Variants in SDAD1 observed in about 807,000 individuals in gnomAD.
SDAD1 encodes the protein protein SDA1 homolog.
In SDAD1, 79 loss-of-function variants were observed where a neutral mutation model predicts 100.3. The ratio of observed to expected loss-of-function variants is 0.79; its 90% CI spans 0.66 to 0.95. The LOEUF (loss-of-function observed/expected upper bound fraction) is 0.95, where lower values mean the gene tolerates loss of function less well. Among genes scored for constraint, SDAD1 ranks in the 40% least tolerant of loss-of-function variants. The probability of loss-of-function intolerance (pLI) is 0.00; values close to 1 mark genes in which losing one functional copy is unlikely to be tolerated. For missense variants in SDAD1, 790 were observed against 810.9 expected, an observed-to-expected ratio of 0.97 and a Z score of 0.31; for synonymous variants, 267 against 271.4, an observed-to-expected ratio of 0.98 and a Z score of 0.16.
intron 7 of SDAD1, 137 bp downstream of exon 7, chr4:75,973,939 T>C: frequency 4.6e-6 from 3 of 652,668 alleles, no homozygotes; most frequent in East Asian, 2.8e-5. Flanking sequence ...ATGCAGTTTA[T>C]GCTGAGTGAT....
rs1729201599 is a variant in SDAD1, at chr4:75,961,063, T to C, written c.1321A>G (p.Thr441Ala). 1.9e-6 allele frequency: 3 copies of C among 1,613,984 alleles called. No individual in the cohort carries two copies. The highest frequency in any genetic ancestry group is 1.1e-5 in the South Asian group (1 of 91,076). ...TTCTGCAGCATCTGAGGATTCAGTGTTCGGAAGAGGTGAATCAAAGTTCTA... is the reference window on the plus strand; with the variant it reads ...TTCTGCAGCATCTGAGGATTCAGTGCTCGGAAGAGGTGAATCAAAGTTCTA... ...SARTLIHLFR[T>A]LNPQMLQKKF... The change falls in exon 16 of 22, where the codon ACA becomes GCA. Residue 441 changes from threonine to alanine, a missense_variant. Physicochemically the swap from Thr to Ala is moderately conservative, Grantham distance 58. Transcript: ENST00000356260.
intron 20 of SDAD1, 67 bp from the exon 21 acceptor site, chr4:75,956,203 T>C: frequency 6.7e-7 from 1 of 1,486,762 alleles, no homozygotes; most frequent in Non-Finnish European, 9.1e-7. Flanking sequence ...TAATCAACAT[T>C]AATGTCTCCT....
At chr4:75,974,628 G>C (rs1730054489) in intron 6 of SDAD1, among the ~76,000 whole-genome samples, 1 of 152,138 alleles carries the variant, frequency 6.6e-6, no homozygotes, top group South Asian at 2.1e-4. Context: ...AGAACTGCTT[G>C]AACCCAGGAG....
At chr4:75,968,680 G>A (rs1286701285) in intron 11 of SDAD1, among the ~76,000 whole-genome samples, 1 of 152,134 alleles carries the variant, frequency 6.6e-6, no homozygotes, top group Non-Finnish European at 1.5e-5. Flanking sequence ...TAAAATATGT[G>A]CATTATATTG....
At chr4:75,976,107 A>T (rs1730146889) in intron 4 of SDAD1, 112 bp from the exon 5 acceptor site, 1 of 662,230 alleles carries the variant, frequency 1.5e-6, no homozygotes, top group Admixed American at 3.2e-5. Flanking sequence ...CCTATTTTTC[A>T]TTCTATCCCA....
intron 11 of SDAD1, 147 bp from the exon 12 acceptor site, chr4:75,967,481 A>AAT (rs1429321576): frequency 9.0e-6 from 6 of 670,256 alleles, no homozygotes; most frequent in Non-Finnish European, 1.6e-5. Flanking sequence ...AGGATGATTC[A>AAT]ATATGCTATA....
intron 17 of SDAD1, among the ~76,000 whole-genome samples, chr4:75,958,159 ACAAT>A (rs1398326627): frequency 1.4e-4 from 22 of 152,368 alleles, no homozygotes; most frequent in African/African-American, 5.0e-4. Flanking sequence ...TCAAAACCTT[ACAAT>A]CACTCTCTCT....
rs1188125589 is a variant in SDAD1, at chr4:75,950,073, G to C, written c.*677C>G. 1 of 137,552 alleles carries C rather than the reference G, an allele frequency of 7.3e-6. No individual in the cohort carries two copies. Among genetic ancestry groups the C allele is most frequent in the Non-Finnish European group, 1.5e-5 (1 of 64,958 alleles). The allele number at this position is 137,552 out of a possible 1,614,324, so 8.5% of individuals were successfully genotyped here. ...TTATACTTAAGGCAGTTTTAAAAGT[G>C]AGGTCTTAACCAAAAAGCCTTTACA... is the stretch of plus-strand genomic sequence containing the variant. On this transcript the variant is annotated 3_prime_UTR_variant, in exon 22 of 22. Transcript: ENST00000356260.
rs749385725 is a variant in SDAD1 at position 75,961,084 on chromosome 4, T to G, written c.1300A>C (p.Thr434Pro). The change falls in exon 16 of 22, where the codon ACT (threonine) becomes CCT (proline). Residue 434 changes from threonine to proline, a missense_variant. Transcript: ENST00000356260. ...AGTGTTCGGAAGAGGTGAATCAAAGTTCTAGCAGACATCATTACATCTGTA... is the reference window on the plus strand; with the variant it reads ...AGTGTTCGGAAGAGGTGAATCAAAGGTCTAGCAGACATCATTACATCTGTA... ...KDKNVMMSAR[T>P]LIHLFRTLNP... The G allele has an allele frequency of 3.7e-6, 6 of 1,614,132 alleles. No homozygotes were observed. In the East Asian group the frequency reaches 1.3e-4, roughly 36 times the overall value.
rs990543718 is a variant in SDAD1, at chr4:75,969,410, G to A, written c.884-11C>T. 1 of 1,582,392 alleles carries A rather than the reference G, an allele frequency of 6.3e-7. No individual in the cohort carries two copies. Among genetic ancestry groups the A allele is most frequent in the Non-Finnish European group, 8.7e-7 (1 of 1,152,038 alleles). ...GTTTTTCCGCAAAATCTGGCAAGGAGAGGATGAAAGAAGTACATTGTGAGT... is the reference window on the plus strand; with the variant it reads ...GTTTTTCCGCAAAATCTGGCAAGGAAAGGATGAAAGAAGTACATTGTGAGT... On this transcript the variant is annotated splice_polypyrimidine_tract_variant and intron_variant, in intron 10 of 21. Coordinates refer to ENST00000356260, the MANE Select transcript of SDAD1 (RefSeq NM_018115.4).
intron 1 of SDAD1, among the ~76,000 whole-genome samples, chr4:75,982,756 A>C (rs1370423794): frequency 1.3e-5 from 2 of 152,178 alleles, no homozygotes; most frequent in Non-Finnish European, 2.9e-5. Context: ...TCTCAAGTAC[A>C]TGAAGCTCTC....
Position 75,957,306 on chromosome 4 carries a change from G to A in SDAD1, c.1854+19C>T. ...ATTTGCTTTCTGTTTAAAAAACTAG[G>A]AATGATATGCTCACTCACCATTGCA... On this transcript the variant is annotated intron_variant, in intron 20 of 21. Coordinates refer to ENST00000356260, the MANE Select transcript of SDAD1 (RefSeq NM_018115.4). The A allele has an allele frequency of 6.3e-7, 1 of 1,593,804 alleles. No homozygotes were observed. The highest frequency in any genetic ancestry group is 8.6e-7 in the Non-Finnish European group (1 of 1,167,464).
intron 12 of SDAD1, among the ~76,000 whole-genome samples, chr4:75,966,667 T>C (rs951811124): frequency 2.0e-5 from 3 of 152,244 alleles, no homozygotes; most frequent in African/African-American, 7.2e-5. Flanking sequence ...ATATCTATTA[T>C]GAAGATGCAA....
chr4:75,956,004 T>C lies in SDAD1; in HGVS notation c.1987A>G (p.Lys663Glu). ...TTTTCTCGGAAGGAACGCTTATTTTTTGACCGGACATTCTGGCTATACCGC... is the reference window on the plus strand; with the variant it reads ...TTTTCTCGGAAGGAACGCTTATTTTCTGACCGGACATTCTGGCTATACCGC... ...MMRYSQNVRS[K>E]NKRSFREKQL... Residue 663 changes from lysine to glutamate, a missense_variant, in exon 21 of 22, where the codon AAA (lysine) becomes GAA (glutamate). Physicochemically the swap from Lys to Glu is moderately conservative, Grantham distance 56. Coordinates refer to ENST00000356260, the MANE Select transcript of SDAD1 (RefSeq NM_018115.4). 1.9e-6 allele frequency: 3 copies of C among 1,600,400 alleles called. No homozygotes were observed. Among genetic ancestry groups the C allele is most frequent in the South Asian group, 2.3e-5 (2 of 87,506 alleles).
chr4:75,957,261 T>G, intron 20 of SDAD1, 64 bp downstream of exon 20: 1 of 1,391,200 alleles, frequency 7.2e-7, no homozygotes, highest in Admixed American at 1.9e-5. Context: ...CTATACAAGT[T>G]CTGGCTTATG....
At chr4:75,960,942 A>G (rs1242811682) in intron 16 of SDAD1, 86 bp downstream of exon 16, 36 of 1,056,638 alleles carry the variant, frequency 3.4e-5, no homozygotes, top group Admixed American at 1.0e-4. Flanking sequence ...CAGAAGCATC[A>G]TAAGTACTAA....
chr4:75,982,878 G>A (rs1237827566), intron 1 of SDAD1, among the ~76,000 whole-genome samples: 1 of 151,108 alleles, frequency 6.6e-6, no homozygotes, highest in African/African-American at 2.4e-5. Context: ...CATGTGCCAT[G>A]GTGGTTTGCT....
intron 7 of SDAD1, 39 bp from the exon 8 acceptor site, chr4:75,973,430 G>T: frequency 1.4e-6 from 2 of 1,433,092 alleles, no homozygotes; most frequent in Non-Finnish European, 2.0e-6. Context: ...ACTTGATTCA[G>T]CTTAAAATAA....
intron 4 of SDAD1, 86 bp from the exon 5 acceptor site, chr4:75,976,081 G>C: frequency 3.9e-6 from 3 of 775,712 alleles, no homozygotes; most frequent in Non-Finnish European, 4.1e-6. Context: ...TGAATGTACA[G>C]GATGACTTAA....
Sources: allele counts gnomAD v4.1 joint callset (sites outside exome capture counted in the v4.1 genomes callset), GRCh38; gene constraint gnomAD v4.1.1; transcripts MANE v1.5; gene names NCBI Gene and HGNC (gene_info 2026-07-23, HGNC 2026-07-21).